The following MEGF11 variants were observed in gnomAD, a reference collection of about 807,000 sequenced individuals.
The protein encoded by MEGF11 is multiple EGF like domains 11.
In MEGF11, 126 loss-of-function variants were observed where a neutral mutation model predicts 146.6. The ratio of observed to expected loss-of-function variants is 0.86; its 90% CI spans 0.74 to 1.00. MEGF11 has a LOEUF of 1.00. Ranked by LOEUF, MEGF11 falls within the 50% of genes least tolerant of loss-of-function variation. The pLI is 0.00. For missense variants in MEGF11, 1,509 were observed against 1,521.2 expected (o/e 0.99, Z 0.13); for synonymous variants, 532 against 583.4 (o/e 0.91, Z 1.27).
intron 1 of MEGF11, among the ~76,000 whole-genome samples, chr15:66,170,562 A>C (rs2090222391): frequency 6.6e-6 from 1 of 152,200 alleles, no homozygotes; most frequent in Non-Finnish European, 1.5e-5. Context: ...CTGTCTGTAA[A>C]ATGGAGATCA....
chr15:66,084,225 T>C (rs1428607727), intron 5 of MEGF11, among the ~76,000 whole-genome samples: 1 of 152,016 alleles, frequency 6.6e-6, no homozygotes, highest in Non-Finnish European at 1.5e-5. Flanking sequence ...TAATAAGTGG[T>C]TAATATCCAG....
At chr15:66,107,054 A>ACCCCCCCCCCCCC (rs35937464) in intron 4 of MEGF11, among the ~76,000 whole-genome samples, 3 of 132,406 alleles carry the variant, frequency 2.3e-5, no homozygotes, top group African/African-American at 8.7e-5. Flanking sequence ...TTATATTCCT[A>ACCCCCCCCCCCCC]CCCCCCCACC....
chr15:66,053,632 A>C (rs1399274150), intron 5 of MEGF11, among the ~76,000 whole-genome samples: 1 of 144,044 alleles, frequency 6.9e-6, no homozygotes, highest in Non-Finnish European at 1.5e-5. Flanking sequence ...TGGCCCAGAC[A>C]CTCTGGGAAC....
chr15:66,198,334 G>T (rs1035995238), intron 1 of MEGF11, among the ~76,000 whole-genome samples: 3 of 152,146 alleles, frequency 2.0e-5, no homozygotes, highest in Non-Finnish European at 2.9e-5. Context: ...CAGACACTTT[G>T]TCCCTCATCT....
intron 5 of MEGF11, among the ~76,000 whole-genome samples, chr15:66,021,585 G>A (rs909134193): frequency 3.9e-5 from 6 of 152,228 alleles, no homozygotes; most frequent in African/African-American, 1.4e-4. Context: ...TCTGTGAGAA[G>A]GAAAAAGGCT....
intron 5 of MEGF11, among the ~76,000 whole-genome samples, chr15:66,029,426 T>C (rs2083443537): frequency 6.6e-6 from 1 of 152,178 alleles, no homozygotes; most frequent in Non-Finnish European, 1.5e-5. Context: ...AAACTATACA[T>C]CCTGTGTGCC....
chr15:65,936,946 T>G (rs1386753079), intron 10 of MEGF11, among the ~76,000 whole-genome samples: 2 of 152,156 alleles, frequency 1.3e-5, no homozygotes, highest in Non-Finnish European at 2.9e-5. Flanking sequence ...TGGTCTATGC[T>G]TCCATGCCTC....
chr15:66,133,332 C>T (rs1274157911), intron 1 of MEGF11, among the ~76,000 whole-genome samples: 2 of 152,204 alleles, frequency 1.3e-5, no homozygotes, highest in Non-Finnish European at 2.9e-5. Context: ...GTTCCAGACG[C>T]CTCATGAAAA....
intron 2 of MEGF11, among the ~76,000 whole-genome samples, chr15:66,124,739 C>T (rs1325797028): frequency 2.6e-5 from 4 of 152,194 alleles, no homozygotes; most frequent in Non-Finnish European, 5.9e-5. Context: ...AGCTGTAAAC[C>T]TGGACCAGCA....
At chr15:66,016,906 G>T (rs1268240519) in intron 5 of MEGF11, among the ~76,000 whole-genome samples, 1 of 152,148 alleles carries the variant, frequency 6.6e-6, no homozygotes, top group Non-Finnish European at 1.5e-5. Context: ...ACTTGGGCAG[G>T]GACTGATTTC....
intron 15 of MEGF11, chr15:65,921,750 A>G (rs906125610): frequency 1.3e-5 from 2 of 152,532 alleles, no homozygotes; most frequent in African/African-American, 2.4e-5. Flanking sequence ...TTTTTCCCCC[A>G]CAAAGAGCTG....
At chr15:66,134,814 T>A (rs2140984984) in intron 1 of MEGF11, among the ~76,000 whole-genome samples, 1 of 152,334 alleles carries the variant, frequency 6.6e-6, no homozygotes, top group South Asian at 2.1e-4. Flanking sequence ...GCAAGCCACA[T>A]GGTGTCAGAA....
intron 5 of MEGF11, among the ~76,000 whole-genome samples, chr15:66,042,095 A>C (rs1294303885): frequency 7.8e-6 from 1 of 127,534 alleles, no homozygotes. Context: ...CAGAATGCAC[A>C]GATTTCTTTC....
At position 66,111,207 on chromosome 15, in the gene MEGF11, G is replaced by A. The variant is rs901025098; in HGVS notation, c.301+7879C>T. The stretch of plus-strand genomic sequence containing the variant: ...CAGATGATATACTGCAGGTGAAAGC[G>A]CCGGCTAAACCACCAGACATTACAC... On this transcript the variant is annotated intron_variant, in intron 4 of 25. Coordinates refer to ENST00000395614, the MANE Select transcript of MEGF11 (RefSeq NM_001385028.1). Among the ~76,000 whole-genome samples the A allele has an allele frequency of 2.0e-5, 3 of 152,268 alleles. 1 individual carries two copies. Among genetic ancestry groups the A allele is most frequent in the African/African-American group, 4.8e-5 (2 of 41,558 alleles).
At chr15:66,198,164 C>T (rs1791256452) in intron 1 of MEGF11, among the ~76,000 whole-genome samples, 1 of 152,222 alleles carries the variant, frequency 6.6e-6, no homozygotes, top group African/African-American at 2.4e-5. Flanking sequence ...GACTACCTAC[C>T]ATGTGAACTT....
chr15:66,231,464 C>T (rs2091966399), intron 1 of MEGF11, among the ~76,000 whole-genome samples: 1 of 151,794 alleles, frequency 6.6e-6, no homozygotes, highest in Non-Finnish European at 1.5e-5. Context: ...CTGGGCCCTG[C>T]CCTCCAGGCT....
intron 13 of MEGF11, among the ~76,000 whole-genome samples, chr15:65,926,970 C>T (rs1398013755): frequency 2.0e-5 from 3 of 152,144 alleles, no homozygotes; most frequent in Non-Finnish European, 4.4e-5. Context: ...AAGCAATGTC[C>T]CTGGCTCTTG....
chr15:65,975,524 T>C (rs2081417713), intron 7 of MEGF11, among the ~76,000 whole-genome samples: 1 of 152,166 alleles, frequency 6.6e-6, no homozygotes, highest in Non-Finnish European at 1.5e-5. Context: ...TGGTTTGAGC[T>C]CATGGGGCCT....
chr15:66,016,022 G>A (rs2082872629), intron 5 of MEGF11, among the ~76,000 whole-genome samples: 1 of 152,076 alleles, frequency 6.6e-6, no homozygotes, highest in Non-Finnish European at 1.5e-5. Flanking sequence ...GGTGAGAGGA[G>A]AGAGACCCTT....
Sources: allele counts gnomAD v4.1 joint callset (sites outside exome capture counted in the v4.1 genomes callset), GRCh38; gene constraint gnomAD v4.1.1; transcripts MANE v1.5; gene names NCBI Gene and HGNC (gene_info 2026-07-23, HGNC 2026-07-21).